The following SLC16A7 variants were observed in gnomAD, a reference collection of about 807,000 sequenced individuals.
The protein encoded by SLC16A7 is solute carrier family 16 member 7, also known as monocarboxylate transporter 2.
A neutral mutation model predicts 34.9 loss-of-function variants in SLC16A7; 33 were observed. The observed-to-expected ratio is 0.94, with a 90% CI of 0.72 to 1.26. The LOEUF (loss-of-function observed/expected upper bound fraction) is 1.26, where lower values mean the gene tolerates loss of function less well. Ranked by LOEUF, SLC16A7 falls within the 50% of genes most tolerant of loss-of-function variation. SLC16A7 has a pLI of 0.00. For synonymous variants in SLC16A7, 201 were observed against 206.6 expected, an observed-to-expected ratio of 0.97 and a Z score of 0.23; for missense variants, 573 against 578.1, an observed-to-expected ratio of 0.99 and a Z score of 0.09.
chr12:59,649,932 A>G (rs1868312222), intron 1 of SLC16A7, among the ~76,000 whole-genome samples: 1 of 152,044 alleles, frequency 6.6e-6, no homozygotes, highest in Non-Finnish European at 1.5e-5. Flanking sequence ...CTGGCCTATA[A>G]GAGTGGAACT....
At chr12:59,778,613 T>G (rs2137476355) in intron 5 of SLC16A7, among the ~76,000 whole-genome samples, 1 of 152,264 alleles carries the variant, frequency 6.6e-6, no homozygotes, top group East Asian at 1.9e-4. Context: ...CAATTAACCT[T>G]CATATTAAAT....
intron 2 of SLC16A7, among the ~76,000 whole-genome samples, chr12:59,690,211 A>G (rs752115534): frequency 1.3e-5 from 2 of 152,036 alleles, no homozygotes; most frequent in Non-Finnish European, 2.9e-5. Flanking sequence ...TAAAACTCTC[A>G]GATAAATTTT....
At chr12:59,637,847 G>C (rs1445421462) in intron 1 of SLC16A7, among the ~76,000 whole-genome samples, 2 of 152,098 alleles carry the variant, frequency 1.3e-5, no homozygotes, top group Non-Finnish European at 2.9e-5. Flanking sequence ...GAGTTGATAA[G>C]TTCCTGTGAA....
chr12:59,762,841 T>A (rs1881166926), intron 3 of SLC16A7, among the ~76,000 whole-genome samples: 1 of 89,682 alleles, frequency 1.1e-5, no homozygotes, highest in African/African-American at 3.6e-5. Flanking sequence ...AAAAATCTGA[T>A]GCTCAGTATC....
At chr12:59,736,365 A>C (rs2178672) in intron 3 of SLC16A7, among the ~76,000 whole-genome samples, 18,683 of 152,244 alleles carry the variant, frequency 0.12, 1,500 homozygotes, top group African/African-American at 0.22. Context: ...AAATGAACAC[A>C]AAAAACAAAC....
intron 1 of SLC16A7, among the ~76,000 whole-genome samples, chr12:59,640,235 A>C (rs1294160010): frequency 1.3e-5 from 2 of 152,120 alleles, no homozygotes; most frequent in East Asian, 3.9e-4. Flanking sequence ...TGTTGCTAGA[A>C]ACAAAGAAGA....
chr12:59,710,790 C>A (rs1380415440), intron 3 of SLC16A7, among the ~76,000 whole-genome samples: 1 of 152,078 alleles, frequency 6.6e-6, no homozygotes, highest in East Asian at 1.9e-4. Context: ...TTGTAAATGA[C>A]AGAAACCTGA....
intron 1 of SLC16A7, among the ~76,000 whole-genome samples, chr12:59,600,406 T>G (rs967001602): frequency 2.0e-5 from 3 of 152,138 alleles, no homozygotes; most frequent in Non-Finnish European, 4.4e-5. Context: ...TGGATCAAAG[T>G]GATTAAGAAA....
chr12:59,643,417 T>G (rs1218602221), intron 1 of SLC16A7, among the ~76,000 whole-genome samples: 1 of 152,200 alleles, frequency 6.6e-6, no homozygotes, highest in African/African-American at 2.4e-5. Context: ...AGTTATTCAT[T>G]TGTTCATTTA....
chr12:59,626,189 T>C (rs1879922151), intron 1 of SLC16A7, among the ~76,000 whole-genome samples: 1 of 151,722 alleles, frequency 6.6e-6, no homozygotes, highest in Non-Finnish European at 1.5e-5. Context: ...TAAGAAAATG[T>C]TAAGCATTTT....
intron 3 of SLC16A7, among the ~76,000 whole-genome samples, chr12:59,756,048 A>G (rs1418801525): frequency 6.6e-6 from 1 of 152,248 alleles, no homozygotes; most frequent in Non-Finnish European, 1.5e-5. Flanking sequence ...AAAACTGGCT[A>G]GCCATATGGA....
intron 1 of SLC16A7, among the ~76,000 whole-genome samples, chr12:59,597,879 C>T (rs1878498664): frequency 6.6e-6 from 1 of 152,174 alleles, no homozygotes; most frequent in South Asian, 2.1e-4. Context: ...CCCCCCAAGG[C>T]ATGTTTGAAT....
intron 3 of SLC16A7, among the ~76,000 whole-genome samples, chr12:59,713,400 C>T (rs544846144): frequency 3.3e-5 from 5 of 152,210 alleles, no homozygotes; most frequent in Admixed American, 6.5e-5. Flanking sequence ...AAGAATTTAC[C>T]GCAGTTCTTT....
intron 3 of SLC16A7, among the ~76,000 whole-genome samples, chr12:59,713,344 C>T (rs1874480788): frequency 6.6e-6 from 1 of 152,032 alleles, no homozygotes; most frequent in Admixed American, 6.6e-5. Flanking sequence ...AAAGAAGGAC[C>T]TTTCCTACTC....
chr12:59,754,553 C>T (rs922280857), intron 3 of SLC16A7, among the ~76,000 whole-genome samples: 2 of 152,118 alleles, frequency 1.3e-5, no homozygotes, highest in Non-Finnish European at 2.9e-5. Context: ...CAAGACTAAA[C>T]CAGGAAGAAG....
chr12:59,728,493 G>C (rs1434289114), intron 3 of SLC16A7, among the ~76,000 whole-genome samples: 2 of 152,178 alleles, frequency 1.3e-5, no homozygotes, highest in Non-Finnish European at 1.5e-5. Context: ...AACAAAAATA[G>C]TATTGGAGCT....
rs1883513417 is a variant in SLC16A7 at position 59,785,026 on chromosome 12, A to T, written c.*5347A>T. 1 of 152,164 alleles carries T rather than the reference A, an allele frequency of 6.6e-6. No individual in the cohort carries two copies. The highest frequency in any genetic ancestry group is 1.5e-5 in the Non-Finnish European group (1 of 68,020). 9.4% of individuals were successfully genotyped at this position (152,164 alleles called of 1,614,324 possible). ...TTGAGAATATAAGATTAATATTACA[A>T]ACTTGACTTTACTCATCTCTCTTTA... On this transcript the variant is annotated 3_prime_UTR_variant, in exon 6 of 6. Coordinates refer to ENST00000547379, the MANE Select transcript of SLC16A7 (RefSeq NM_001270623.2).
At chr12:59,747,215 A>G (rs1217305563) in intron 3 of SLC16A7, among the ~76,000 whole-genome samples, 1 of 152,234 alleles carries the variant, frequency 6.6e-6, no homozygotes, top group African/African-American at 2.4e-5. Context: ...TGATATAGTT[A>G]TATGAAAGAA....
intron 3 of SLC16A7, among the ~76,000 whole-genome samples, chr12:59,759,758 A>G (rs1382137054): frequency 6.6e-6 from 1 of 152,050 alleles, no homozygotes; most frequent in Non-Finnish European, 1.5e-5. Context: ...ATATAGAACA[A>G]TGCAGTGGTG....
Sources: gnomAD v4.1 joint callset for allele counts (sites outside exome capture counted in the v4.1 genomes callset) on GRCh38, gnomAD v4.1.1 for gene constraint, MANE v1.5 for transcripts, NCBI Gene and HGNC (gene_info 2026-07-23, HGNC 2026-07-21) for gene names.